The following SP6 variants were observed in gnomAD, a reference collection of about 807,000 sequenced individuals.
The protein encoded by SP6 is Sp6 transcription factor.
SP6 carries 10 observed loss-of-function variants against 23.4 expected under a neutral mutation model. The ratio of observed to expected loss-of-function variants is 0.43; its 90% confidence interval spans 0.26 to 0.72. The LOEUF is 0.72. Among genes scored for constraint, SP6 ranks in the 30% least tolerant of loss-of-function variants. SP6 has a pLI of 0.23. For synonymous variants in SP6, 238 were observed against 238.7 expected (o/e 1.00, Z 0.03); for missense variants, 482 against 523.8 (o/e 0.92, Z 0.78).
At chr17:47,874,245 C>T in the SP6 span, among the ~76,000 whole-genome samples, 1 of 152,074 alleles carries the variant, frequency 6.6e-6, no homozygotes, top group Non-Finnish European at 1.5e-5. Flanking sequence ...CACCACCACA[C>T]CTGGCTAATT....
In SP6 at chr17:47,848,329, C is replaced by A; in HGVS notation, c.101G>T (p.Gly34Val). 6.2e-7 allele frequency: 1 copy of A among 1,609,134 alleles called. No individual in the cohort carries two copies. The highest frequency in any genetic ancestry group is 8.5e-7 in the Non-Finnish European group (1 of 1,177,980). Reference protein sequence around the residue: ...LDLQPLQTYQGHTSPEAGDYP... With the variant: ...LDLQPLQTYQVHTSPEAGDYP... Reference sequence around the variant, plus strand: ...GTCCCCGGCCTCAGGGCTCGTGTGGCCCTGGTAAGTTTGGAGAGGCTGCAG... The same window carrying A: ...GTCCCCGGCCTCAGGGCTCGTGTGGACCTGGTAAGTTTGGAGAGGCTGCAG... Residue 34 changes from glycine to valine, a missense_variant, in exon 2 of 2, where the codon GGC becomes GTC. By Grantham distance (109) the Gly-to-Val change is moderately radical. Around this residue, in one of 3 missense-constraint regions of SP6, gnomAD observed 330 missense variants for 332.3 expected, o/e 0.99. Transcript: ENST00000536300. The surrounding 1 kb of genome is among the most constrained non-coding windows in gnomAD (Gnocchi z 5.3).
the SP6 span, among the ~76,000 whole-genome samples, chr17:47,865,361 G>A: frequency 2.6e-5 from 4 of 152,094 alleles, no homozygotes; most frequent in Non-Finnish European, 5.9e-5. Flanking sequence ...GTGAAACGGC[G>A]CCGTGTCCCC....
rs2033876142 is a variant in SP6 at position 47,845,541 on chromosome 17, T to C, written c.*1758A>G. 6.6e-6 allele frequency: 1 copy of C among 152,478 alleles called. No individual in the cohort carries two copies. Among genetic ancestry groups the C allele is most frequent in the Non-Finnish European group, 1.5e-5 (1 of 68,010 alleles). 9.4% of individuals were successfully genotyped at this position (152,478 alleles called of 1,614,324 possible). A position where few individuals can be genotyped will look rare whatever the true frequency, so the allele number is the denominator to read the frequency against. ...TTCCCACCCAGATCCCAGCCCCCAC[T>C]TCCCATATAGCTCCCAGACCTTGGC... is the stretch of plus-strand genomic sequence containing the variant. On this transcript the variant is annotated 3_prime_UTR_variant, in exon 2 of 2. Coordinates refer to ENST00000536300, the MANE Select transcript of SP6 (RefSeq NM_001258248.2).
chr17:47,862,046 G>GAAA, the SP6 span, among the ~76,000 whole-genome samples: 3,791 of 122,606 alleles, frequency 0.031, 179 homozygotes, highest in African/African-American at 0.11. Flanking sequence ...CCCTGTCTCA[G>GAAA]AAAAAAAAAA....
Position 47,848,401 on chromosome 17 carries a change from C to A in SP6, c.29G>T (p.Gly10Val). 6.5e-7 allele frequency: 1 copy of A among 1,535,052 alleles called. No homozygotes were observed. MLTAVCGSL[G>V]SQHTEAPHAS... ...GTGCGGCGCTTCCGTGTGCTGGCTG[C>A]CCAGAGAGCCGCAGACAGCGGTTAG... The change falls in exon 2 of 2, where the codon GGC (glycine) becomes GTC (valine). Residue 10 changes from glycine (G) to valine (V), a missense_variant. Gly to Val is a moderately radical substitution (Grantham distance 109). Transcript: ENST00000536300. This position sits in a 1 kb window ranked among gnomAD's most constrained non-coding sequence, Gnocchi z 5.3.
upstream of SP6, among the ~76,000 whole-genome samples, chr17:47,860,114 C>T (rs2034025185): frequency 6.6e-6 from 1 of 152,130 alleles, no homozygotes; most frequent in South Asian, 2.1e-4. Context: ...CCTCAGCCTC[C>T]CTTTCCAGCC....
At chr17:47,868,009 C>T in the SP6 span, among the ~76,000 whole-genome samples, 23 of 152,244 alleles carry the variant, frequency 1.5e-4, no homozygotes, top group African/African-American at 3.6e-4. Context: ...CATGCACATG[C>T]GCACACACAT....
chr17:47,853,447 G>A (rs980079985), upstream of SP6, among the ~76,000 whole-genome samples: 4 of 152,176 alleles, frequency 2.6e-5, no homozygotes, highest in Non-Finnish European at 5.9e-5. Flanking sequence ...TTCCTGATTT[G>A]ACCTCTGGGC....
chr17:47,860,348 C>T (rs1316188020), upstream of SP6, among the ~76,000 whole-genome samples: 5 of 152,122 alleles, frequency 3.3e-5, no homozygotes, highest in East Asian at 1.9e-4. Context: ...AAATATAGAG[C>T]GTTTAATATT....
chr17:47,847,009 C>G lies in SP6; in HGVS notation c.*290G>C, dbSNP rs1441394102. 2.3e-6 allele frequency: 1 copy of G among 428,000 alleles called. No homozygotes were observed. Among genetic ancestry groups the G allele is most frequent in the African/African-American group, 2.0e-5 (1 of 49,108 alleles). The allele number at this position is 428,000 out of a possible 1,614,324, so 26.5% of individuals were successfully genotyped here. A position where few individuals can be genotyped will look rare whatever the true frequency, so the allele number is the denominator to read the frequency against. On this transcript the variant is annotated 3_prime_UTR_variant, in exon 2 of 2. Coordinates refer to ENST00000536300, the MANE Select transcript of SP6 (RefSeq NM_001258248.2). ...CTGTCCCCGCCAGCCAGCCGCGGTA[C>G]GGGTGTCCCACCCCAACCCCCCAGC...
Position 47,847,449 on chromosome 17 carries a change from G to C in SP6, c.981C>G (p.Asp327Glu), listed in dbSNP as rs76601589. 6.2e-7 allele frequency: 1 copy of C among 1,613,722 alleles called. No individual in the cohort carries two copies. Among genetic ancestry groups the C allele is most frequent in the Non-Finnish European group, 8.5e-7 (1 of 1,179,918 alleles). The change falls in exon 2 of 2, where the codon GAC (aspartate) becomes GAG (glutamate). Residue 327 changes from aspartate to glutamate, a missense_variant. Transcript: ENST00000536300. ...AVCSRVFMRS[D>E]HLAKHMKTHE... is the part of the protein sequence containing the mutation. ...GGGTTTTCATGTGCTTGGCCAGGTGGTCGCTGCGCATGAAGACGCGGCTGC... is the reference window on the plus strand; with the variant it reads ...GGGTTTTCATGTGCTTGGCCAGGTGCTCGCTGCGCATGAAGACGCGGCTGC...
upstream of SP6, among the ~76,000 whole-genome samples, chr17:47,859,163 C>T (rs2034018876): frequency 6.6e-6 from 1 of 152,074 alleles, no homozygotes; most frequent in South Asian, 2.1e-4. Context: ...CATCCAGGAC[C>T]CTCCCACTTC....
chr17:47,873,142 T>C, the SP6 span, among the ~76,000 whole-genome samples: 3 of 152,180 alleles, frequency 2.0e-5, no homozygotes, highest in Non-Finnish European at 4.4e-5. Context: ...CAAATACATC[T>C]TCTTTTATCT....
chr17:47,857,022 T>G (rs1598064799), upstream of SP6, among the ~76,000 whole-genome samples: 1 of 151,974 alleles, frequency 6.6e-6, no homozygotes, highest in South Asian at 2.1e-4. Context: ...ATTTCAGAGA[T>G]GAGAACACTG....
upstream of SP6, among the ~76,000 whole-genome samples, chr17:47,858,145 C>G (rs933486688): frequency 6.6e-6 from 1 of 152,180 alleles, no homozygotes; most frequent in East Asian, 1.9e-4. Context: ...TTCTTCAGCT[C>G]TCTAATTTGT....
the SP6 span, among the ~76,000 whole-genome samples, chr17:47,875,769 T>C: frequency 6.6e-6 from 1 of 152,246 alleles, no homozygotes; most frequent in African/African-American, 2.4e-5. Flanking sequence ...CCAGGGCCAC[T>C]GACCTGAGTT....
chr17:47,861,239 G>T, the SP6 span, among the ~76,000 whole-genome samples: 1 of 152,108 alleles, frequency 6.6e-6, no homozygotes, highest in Non-Finnish European at 1.5e-5. Context: ...ATTACCTGGA[G>T]CTCTGGGGGT....
At chr17:47,870,038 T>G in the SP6 span, among the ~76,000 whole-genome samples, 1 of 152,186 alleles carries the variant, frequency 6.6e-6, no homozygotes, top group Admixed American at 6.5e-5. Context: ...TGAGGCTAGA[T>G]TCTCAGAGAA....
the SP6 span, among the ~76,000 whole-genome samples, chr17:47,865,476 T>A: frequency 6.6e-6 from 1 of 151,956 alleles, no homozygotes; most frequent in African/African-American, 2.4e-5. Flanking sequence ...CCCTCCTCCA[T>A]CCTCCTGCCT....
Sources: allele counts gnomAD v4.1 joint callset (sites outside exome capture counted in the v4.1 genomes callset), GRCh38; gene constraint gnomAD v4.1.1; regional missense constraint gnomAD v4.1.1; non-coding constraint Gnocchi (gnomAD v3.1); transcripts MANE v1.5; gene names NCBI Gene and HGNC (gene_info 2026-07-23, HGNC 2026-07-21).